TRIM35: variants seen among roughly 807,000 people sequenced by gnomAD.
TRIM35 encodes the protein E3 ubiquitin-protein ligase TRIM35.
TRIM35 carries 37 observed loss-of-function variants against 49.1 expected under a neutral mutation model. The ratio of observed to expected loss-of-function variants is 0.75; its 90% CI spans 0.58 to 0.99. The LOEUF (loss-of-function observed/expected upper bound fraction) is 0.99. Ranked by LOEUF, TRIM35 falls within the 50% of genes least tolerant of loss-of-function variation. The probability of loss-of-function intolerance (pLI) is 0.00; values close to 1 mark genes in which losing one functional copy is unlikely to be tolerated. For missense variants in TRIM35, 648 were observed against 702.7 expected (o/e 0.92, Z 0.88); for synonymous variants, 302 against 289.3 (o/e 1.04, Z -0.45).
chr8:27,299,812 T>C (rs902025973), intron 1 of TRIM35, among the ~76,000 whole-genome samples: 1 of 152,112 alleles, frequency 6.6e-6, no homozygotes, highest in Non-Finnish European at 1.5e-5. Context: ...CCAGTGCATT[T>C]TGCATGTGGG....
At position 27,310,891 on chromosome 8, in the gene TRIM35, G is replaced by C. The variant is rs776868750; in HGVS notation, c.345C>G (p.Asp115Glu). ...GGCAGGAGCAGCACAGCAGCTCCTT[G>C]TCCTCGAGGCAGAAGAGGCTGAGCT... Reference protein sequence around the residue: ...RGQLSLFCLEDKELLCCSCQA... With the variant: ...RGQLSLFCLEEKELLCCSCQA... The change falls in exon 1 of 6, where the codon GAC (aspartate) becomes GAG (glutamate). Residue 115 changes from aspartate to glutamate, a missense_variant. Coordinates refer to ENST00000305364, the MANE Select transcript of TRIM35 (RefSeq NM_171982.5). 6.2e-6 allele frequency: 10 copies of C among 1,612,984 alleles called. No individual in the cohort carries two copies. Among genetic ancestry groups the C allele is most frequent in the Non-Finnish European group, 8.5e-6 (10 of 1,179,862 alleles).
chr8:27,290,084 G>A, intron 4 of TRIM35, 72 bp downstream of exon 4: 1 of 1,577,734 alleles, frequency 6.3e-7, no homozygotes, highest in Non-Finnish European at 8.7e-7. Flanking sequence ...CTTGCCCCGG[G>A]GCCACTGGAG....
intron 3 of TRIM35, among the ~76,000 whole-genome samples, chr8:27,291,919 C>T (rs1221982585): frequency 6.6e-6 from 1 of 152,204 alleles, no homozygotes. Flanking sequence ...ACCCACTCTG[C>T]CAGTAACAAC....
intron 2 of TRIM35, among the ~76,000 whole-genome samples, chr8:27,295,671 A>T (rs1386096403): frequency 6.6e-6 from 1 of 152,226 alleles, no homozygotes; most frequent in African/African-American, 2.4e-5. Context: ...CTGAAGGGGA[A>T]AAACAGAATG....
chr8:27,288,995 G>A (rs1802396224), intron 5 of TRIM35, among the ~76,000 whole-genome samples, 167 bp downstream of exon 5: 1 of 152,228 alleles, frequency 6.6e-6, no homozygotes, highest in Non-Finnish European at 1.5e-5. Flanking sequence ...GAAAAGACCA[G>A]GGTACAGGAA....
At position 27,287,798 on chromosome 8, in the gene TRIM35, T is replaced by A; in HGVS notation, c.1234A>T (p.Thr412Ser). ...AGGGGCGACGTGGCTGGGTCCGAGGTCACGCAGTGGTCCCCCTCCACGCCC... is the reference window on the plus strand; with the variant it reads ...AGGGGCGACGTGGCTGGGTCCGAGGACACGCAGTGGTCCCCCTCCACGCCC... ...TQGVEGDHCV[T>S]SDPATSPLVL... Residue 412 changes from threonine to serine, a missense_variant, in exon 6 of 6, where the codon ACC becomes TCC. Transcript: ENST00000305364. The surrounding 1 kb of genome is among the most constrained non-coding windows in gnomAD (Gnocchi z 6.0). 1 of 1,610,646 alleles carries A rather than the reference T, an allele frequency of 6.2e-7. No individual in the cohort carries two copies. Among genetic ancestry groups the A allele is most frequent in the Non-Finnish European group, 8.5e-7 (1 of 1,178,922 alleles).
chr8:27,305,294 C>T (rs1563445025), intron 1 of TRIM35, among the ~76,000 whole-genome samples: 3 of 152,202 alleles, frequency 2.0e-5, no homozygotes. Flanking sequence ...AATCAGTCTC[C>T]CAGATCTGTC....
chr8:27,309,884 C>A (rs947951241), intron 1 of TRIM35, among the ~76,000 whole-genome samples: 2 of 150,700 alleles, frequency 1.3e-5, no homozygotes, highest in African/African-American at 2.4e-5. Flanking sequence ...CTCAGCTACT[C>A]GGGAGGCTGA....
rs1223562978 is a variant in TRIM35 at position 27,287,497 on chromosome 8, G to C, written c.*53C>G. 1.1e-5 allele frequency: 17 copies of C among 1,482,418 alleles called. No homozygotes were observed. The highest frequency in any genetic ancestry group is 2.3e-5 in the Admixed American group (1 of 42,816). The allele number at this position is 1,482,418 out of a possible 1,614,324, so 91.8% of individuals were successfully genotyped here. ...CCAAGCAGTGTGGGCATTAGGAAGA[G>C]GGCAGAAAGAAAACAGTGCTGTGGC... is the stretch of plus-strand genomic sequence containing the variant. On this transcript the variant is annotated 3_prime_UTR_variant, in exon 6 of 6. Coordinates refer to ENST00000305364, the MANE Select transcript of TRIM35 (RefSeq NM_171982.5). The surrounding 1 kb of genome is among the most constrained non-coding windows in gnomAD (Gnocchi z 6.0).
At position 27,288,134 on chromosome 8, in the gene TRIM35, G is replaced by A. The variant is rs778059379; in HGVS notation, c.905-7C>T. 2 of 1,594,518 alleles carry A rather than the reference G, an allele frequency of 1.3e-6. No homozygotes were observed. The highest frequency in any genetic ancestry group is 1.1e-5 in the South Asian group (1 of 90,672). On this transcript the variant is annotated splice_region_variant and splice_polypyrimidine_tract_variant and intron_variant, in intron 5 of 5. Transcript: ENST00000305364. ...GGGTCAAAGCTGAAGGGTACTGCAA[G>A]CAGAGGCGGAAATGGGGAATCAGCA...
In TRIM35 at chr8:27,286,233, G is replaced by A; in HGVS notation, c.*1317C>T. 4.4e-6 allele frequency: 2 copies of A among 451,598 alleles called. No individual in the cohort carries two copies. Among genetic ancestry groups the A allele is most frequent in the South Asian group, 1.6e-5 (1 of 63,918 alleles). 28.0% of individuals were successfully genotyped at this position (451,598 alleles called of 1,614,324 possible). Reference sequence around the variant, plus strand: ...TTCAGAGATGTGCGAGAAAAAACAAGCCCAGGGAAAAGTCTGCAGGCATGG... The same window carrying A: ...TTCAGAGATGTGCGAGAAAAAACAAACCCAGGGAAAAGTCTGCAGGCATGG... On this transcript the variant is annotated 3_prime_UTR_variant, in exon 6 of 6. Transcript: ENST00000305364.
intron 3 of TRIM35, 60 bp downstream of exon 3, chr8:27,294,020 C>T: frequency 6.4e-7 from 1 of 1,555,280 alleles, no homozygotes; most frequent in Non-Finnish European, 8.7e-7. Flanking sequence ...TGGGCTATGG[C>T]TCCCAGCTGG....
At chr8:27,307,444 T>A (rs960071467) in intron 1 of TRIM35, among the ~76,000 whole-genome samples, 2 of 151,610 alleles carry the variant, frequency 1.3e-5, no homozygotes, top group Admixed American at 6.6e-5. Context: ...AAGAGCAGCC[T>A]CCCCCTTACA....
chr8:27,306,439 C>T (rs1051943907), intron 1 of TRIM35, among the ~76,000 whole-genome samples: 1 of 151,674 alleles, frequency 6.6e-6, no homozygotes, highest in Non-Finnish European at 1.5e-5. Context: ...GATTCTCCTG[C>T]CTCAGCCTCC....
chr8:27,303,903 A>G (rs1802729326), intron 1 of TRIM35, among the ~76,000 whole-genome samples: 1 of 152,206 alleles, frequency 6.6e-6, no homozygotes, highest in Non-Finnish European at 1.5e-5. Context: ...CATGTTGGCC[A>G]GGCTGGTCTT....
At position 27,286,633 on chromosome 8, in the gene TRIM35, G is replaced by C. The variant is rs2130247694; in HGVS notation, c.*917C>G. The C allele has an allele frequency of 5.6e-6, 1 of 179,136 alleles. No homozygotes were observed. Among genetic ancestry groups the C allele is most frequent in the East Asian group, 1.5e-4 (1 of 6,464 alleles). 11.1% of individuals were successfully genotyped at this position (179,136 alleles called of 1,614,324 possible). A position where few individuals can be genotyped will look rare whatever the true frequency, so the allele number is the denominator to read the frequency against. On this transcript the variant is annotated 3_prime_UTR_variant, in exon 6 of 6. Coordinates refer to ENST00000305364, the MANE Select transcript of TRIM35 (RefSeq NM_171982.5). ...GAACCCTGTGTTCAGAGGAAATCGTGCAAGAATAGATCAATCAGAGCTGAT... is the reference window on the plus strand; with the variant it reads ...GAACCCTGTGTTCAGAGGAAATCGTCCAAGAATAGATCAATCAGAGCTGAT...
rs1213441951 is a variant in TRIM35 at position 27,284,921 on chromosome 8, A to G, written c.*2629T>C. On this transcript the variant is annotated 3_prime_UTR_variant, in exon 6 of 6. Transcript: ENST00000305364. ...AAGCTTTAGTATTTCAAAGGACATCATCAAGGAAATGAAACAGCTCACGGA... is the reference window on the plus strand; with the variant it reads ...AAGCTTTAGTATTTCAAAGGACATCGTCAAGGAAATGAAACAGCTCACGGA... The G allele has an allele frequency of 6.6e-6, 1 of 152,260 alleles. No homozygotes were observed. Among genetic ancestry groups the G allele is most frequent in the Non-Finnish European group, 1.5e-5 (1 of 68,052 alleles). 9.4% of individuals were successfully genotyped at this position (152,260 alleles called of 1,614,324 possible).
At chr8:27,304,704 T>TA in intron 1 of TRIM35, 1 of 393,390 alleles carries the variant, frequency 2.5e-6, no homozygotes, top group South Asian at 1.9e-5. Context: ...GATGTTCAGT[T>TA]AACCACCTGC....
intron 5 of TRIM35, 50 bp from the exon 6 acceptor site, chr8:27,288,177 G>T: frequency 6.6e-7 from 1 of 1,524,032 alleles, no homozygotes; most frequent in Non-Finnish European, 8.9e-7. Flanking sequence ...GGTCCCTTAG[G>T]CCACACGTGG....
Sources: allele counts gnomAD v4.1 joint callset (sites outside exome capture counted in the v4.1 genomes callset), GRCh38; gene constraint gnomAD v4.1.1; non-coding constraint Gnocchi (gnomAD v3.1); transcripts MANE v1.5; gene names NCBI Gene and HGNC (gene_info 2026-07-23, HGNC 2026-07-21).